The following ATG10 variants were observed in gnomAD, a reference collection of about 807,000 sequenced individuals.
The protein encoded by ATG10 is ubiquitin-like-conjugating enzyme ATG10.
A neutral mutation model predicts 32.1 loss-of-function variants in ATG10; 30 were observed. The observed-to-expected ratio is 0.94, with a 90% CI of 0.70 to 1.27. ATG10 has a LOEUF of 1.27. ATG10 is among the 50% of genes most tolerant of loss of function. The pLI is 0.00. For missense variants in ATG10, 233 were observed against 262.3 expected (o/e 0.89, Z 0.77); for synonymous variants, 87 against 91.5 (o/e 0.95, Z 0.28).
intron 3 of ATG10, among the ~76,000 whole-genome samples, chr5:82,154,348 G>A (rs371787996): frequency 6.6e-5 from 10 of 152,074 alleles, no homozygotes; most frequent in South Asian, 4.2e-4. Context: ...GAAAATGTTT[G>A]GACACCTTTG....
chr5:81,982,980 C>A (rs567880977), intron 1 of ATG10, among the ~76,000 whole-genome samples: 30 of 152,230 alleles, frequency 2.0e-4, no homozygotes, highest in Admixed American at 2.0e-3. Context: ...GCAACCATCC[C>A]ATTTCTCAGT....
chr5:82,074,262 T>G (rs1482546912), intron 3 of ATG10, among the ~76,000 whole-genome samples: 1 of 152,212 alleles, frequency 6.6e-6, no homozygotes. Context: ...TAGAATACAG[T>G]ATAATAATTT....
At chr5:82,209,623 C>T (rs1745423770) in intron 5 of ATG10, among the ~76,000 whole-genome samples, 2 of 152,156 alleles carry the variant, frequency 1.3e-5, no homozygotes, top group African/African-American at 4.8e-5. Context: ...ATTGTTGTTA[C>T]AGCAGTCTGA....
Position 81,981,307 on chromosome 5 carries a change from A to G in ATG10, c.-12-6252A>G, listed in dbSNP as rs1169008941. On this transcript the variant is annotated intron_variant, in intron 1 of 7. Transcript: ENST00000282185. ...TTAAAAGTAATTATTTTGGGTCTTC[A>G]GAATCAGGTTATTTTTCTGGCCAAG... 3.3e-5 allele frequency among the ~76,000 whole-genome samples: 5 copies of G among 152,364 alleles called. No homozygotes were observed. The East Asian group carries it at 9.6e-4, about 29-fold the overall frequency.
intron 2 of ATG10, among the ~76,000 whole-genome samples, chr5:82,056,053 G>A (rs911100003): frequency 4.6e-5 from 7 of 152,098 alleles, no homozygotes; most frequent in African/African-American, 1.7e-4. Flanking sequence ...GCCCAATGAC[G>A]TGTTTCTCAG....
intron 5 of ATG10, among the ~76,000 whole-genome samples, chr5:82,192,506 A>G (rs1189472367): frequency 1.3e-5 from 2 of 152,128 alleles, no homozygotes; most frequent in Non-Finnish European, 2.9e-5. Context: ...TTGGGTTCTT[A>G]CTCAGGTTCT....
At chr5:82,016,010 TG>T (rs1368011532) in intron 2 of ATG10, among the ~76,000 whole-genome samples, 9 of 152,208 alleles carry the variant, frequency 5.9e-5, no homozygotes, top group Non-Finnish European at 1.3e-4. Flanking sequence ...TTGGATAGAT[TG>T]TGAAGATTTT....
intron 4 of ATG10, among the ~76,000 whole-genome samples, chr5:82,169,730 G>A (rs1743730748): frequency 6.6e-6 from 1 of 152,120 alleles, no homozygotes; most frequent in Non-Finnish European, 1.5e-5. Context: ...ATGAATTTTG[G>A]TGAATTAAAA....
intron 3 of ATG10, among the ~76,000 whole-genome samples, chr5:82,139,702 G>A (rs1766976644): frequency 1.4e-5 from 2 of 144,574 alleles, no homozygotes; most frequent in Admixed American, 6.7e-5. Context: ...CCCCGTCCGG[G>A]AGGGAGGTGG....
intron 3 of ATG10, among the ~76,000 whole-genome samples, chr5:82,105,873 A>T (rs1361507614): frequency 6.6e-6 from 1 of 152,176 alleles, no homozygotes; most frequent in African/African-American, 2.4e-5. Flanking sequence ...CTTAAGGAAA[A>T]AATGATTTCC....
intron 5 of ATG10, among the ~76,000 whole-genome samples, chr5:82,234,327 T>G (rs1457964295): frequency 6.6e-6 from 1 of 152,196 alleles, no homozygotes; most frequent in African/African-American, 2.4e-5. Context: ...ACCCTTCATC[T>G]GCTCTGTTTC....
At chr5:82,027,748 C>T (rs1263685826) in intron 2 of ATG10, among the ~76,000 whole-genome samples, 1 of 152,078 alleles carries the variant, frequency 6.6e-6, no homozygotes, top group African/African-American at 2.4e-5. Flanking sequence ...AACACAGTAT[C>T]AAAAAAGTTA....
rs543288899 is a variant in ATG10, at chr5:81,981,373, T to C, written c.-12-6186T>C. Among the ~76,000 whole-genome samples, 175 of 152,386 alleles carry C rather than the reference T, an allele frequency of 1.1e-3. 2 individuals carry two copies. The highest frequency in any genetic ancestry group is 2.3e-3 in the Admixed American group (35 of 15,308). ...TTTGAATTTGCACTGTGGGTGCTTC[T>C]TTGCTGTCTAAAATTTGAGGACCAC... On this transcript the variant is annotated intron_variant, in intron 1 of 7. Coordinates refer to ENST00000282185, the MANE Select transcript of ATG10 (RefSeq NM_031482.5).
intron 2 of ATG10, among the ~76,000 whole-genome samples, chr5:82,010,993 C>A (rs1762113137): frequency 6.6e-6 from 1 of 152,172 alleles, no homozygotes; most frequent in Non-Finnish European, 1.5e-5. Context: ...CAACTTGGAG[C>A]TAAAACTGAA....
chr5:82,191,509 G>C (rs6452448), intron 5 of ATG10, among the ~76,000 whole-genome samples: 89,252 of 152,034 alleles, frequency 0.59, 28,208 homozygotes, highest in African/African-American at 0.8. Flanking sequence ...TTTGAACACC[G>C]TTATGAGGTT....
At chr5:82,133,980 C>T (rs1014757510) in intron 3 of ATG10, among the ~76,000 whole-genome samples, 1 of 145,008 alleles carries the variant, frequency 6.9e-6, no homozygotes, top group Non-Finnish European at 1.5e-5. Context: ...CTCTTTGTAG[C>T]AATTGTGAAT....
chr5:82,139,529 C>A (rs1766949878), intron 3 of ATG10, among the ~76,000 whole-genome samples: 2 of 144,910 alleles, frequency 1.4e-5, no homozygotes, highest in African/African-American at 2.6e-5. Context: ...CTCTGCCCGG[C>A]CGAGACCCCG....
chr5:81,972,970 G>T (rs564658537), intron 1 of ATG10, among the ~76,000 whole-genome samples: 1 of 152,012 alleles, frequency 6.6e-6, no homozygotes, highest in Non-Finnish European at 1.5e-5. Context: ...GATGTCTAGG[G>T]GACTATATTT....
chr5:82,028,855 T>C (rs377026743), intron 2 of ATG10, among the ~76,000 whole-genome samples: 3 of 152,326 alleles, frequency 2.0e-5, no homozygotes, highest in South Asian at 4.1e-4. Context: ...TTCAATAATA[T>C]ATTCATATGT....
Sources: allele counts gnomAD v4.1 joint callset (sites outside exome capture counted in the v4.1 genomes callset), GRCh38; gene constraint gnomAD v4.1.1; transcripts MANE v1.5; gene names NCBI Gene and HGNC (gene_info 2026-07-23, HGNC 2026-07-21).